Variants in ZNF644 observed in about 807,000 individuals in gnomAD.
ZNF644 encodes the protein zinc finger protein 644.
Under a neutral mutation model 108.0 loss-of-function variants are expected in ZNF644, and 20 were observed. The ratio of observed to expected loss-of-function variants is 0.19; its 90% confidence interval spans 0.13 to 0.27. The LOEUF is 0.27. Among genes scored for constraint, ZNF644 ranks in the 10% least tolerant of loss-of-function variants. ZNF644 has a pLI of 1.00. For missense variants in ZNF644, 1,338 were observed against 1,548.9 expected (o/e 0.86, Z 2.29); for synonymous variants, 542 against 539.1 (o/e 1.01, Z -0.08).
At chr1:90,976,957 T>A (rs1343928654) in intron 2 of ZNF644, among the ~76,000 whole-genome samples, 1 of 151,778 alleles carries the variant, frequency 6.6e-6, no homozygotes, top group Non-Finnish European at 1.5e-5. Flanking sequence ...CTCAGAGAAA[T>A]CCATCACAGA....
At chr1:91,017,019 G>C (rs113935141) in intron 1 of ZNF644, among the ~76,000 whole-genome samples, 1,728 of 152,242 alleles carry the variant, frequency 0.011, 14 homozygotes, top group South Asian at 0.021. Context: ...TTTTGGTAGA[G>C]ACAGGGTTTC....
At chr1:90,966,530 A>C (rs1049944231) in intron 2 of ZNF644, among the ~76,000 whole-genome samples, 28 of 152,126 alleles carry the variant, frequency 1.8e-4, no homozygotes, top group East Asian at 5.8e-4. Context: ...CAGGCAGATC[A>C]CCTGATGTCA....
chr1:90,927,491 G>C (rs1395778522), intron 4 of ZNF644, among the ~76,000 whole-genome samples: 1 of 152,108 alleles, frequency 6.6e-6, no homozygotes, highest in Non-Finnish European at 1.5e-5. Flanking sequence ...GCAAAAATAA[G>C]AACAACATTT....
intron 1 of ZNF644, among the ~76,000 whole-genome samples, chr1:91,012,356 T>C (rs1660036401): frequency 6.7e-6 from 1 of 149,772 alleles, no homozygotes; most frequent in Non-Finnish European, 1.5e-5. Context: ...CATGCACCTG[T>C]AGTTCCAGGT....
At chr1:91,012,188 A>G (rs917403198) in intron 1 of ZNF644, among the ~76,000 whole-genome samples, 1 of 152,152 alleles carries the variant, frequency 6.6e-6, no homozygotes, top group Non-Finnish European at 1.5e-5. Flanking sequence ...GACAGAAGAA[A>G]AGAGAGATGG....
intron 1 of ZNF644, among the ~76,000 whole-genome samples, chr1:91,018,160 T>C (rs1294038585): frequency 6.6e-6 from 1 of 152,236 alleles, no homozygotes; most frequent in Admixed American, 6.5e-5. Flanking sequence ...TCTTCATGTT[T>C]GTTTCTTAAG....
chr1:90,993,538 A>C (rs1219743457), intron 1 of ZNF644, among the ~76,000 whole-genome samples: 2 of 152,232 alleles, frequency 1.3e-5, no homozygotes, highest in African/African-American at 2.4e-5. Context: ...TAATTAGCTA[A>C]CTGACAGAGC....
At chr1:90,963,186 A>G (rs147423186) in intron 2 of ZNF644, among the ~76,000 whole-genome samples, 2 of 152,258 alleles carry the variant, frequency 1.3e-5, no homozygotes, top group African/African-American at 4.8e-5. Flanking sequence ...AAAGCTCAAT[A>G]GTAATTTTGT....
Position 90,938,175 on chromosome 1 carries a change from T to C in ZNF644, c.3083-85A>G, listed in dbSNP as rs1651548645. The C allele has an allele frequency of 1.9e-6, 3 of 1,606,482 alleles. No individual in the cohort carries two copies. The highest frequency in any genetic ancestry group is 2.6e-6 in the Non-Finnish European group (3 of 1,174,882). Reference sequence around the variant, plus strand: ...ATGAGTTAATTCTGAAACATAAAATTATGATTCTAATAAAGACTAAATTCA... The same window carrying C: ...ATGAGTTAATTCTGAAACATAAAATCATGATTCTAATAAAGACTAAATTCA... On this transcript the variant is annotated intron_variant, in intron 3 of 5. Coordinates refer to ENST00000337393, the MANE Select transcript of ZNF644 (RefSeq NM_201269.3). This position sits in a 1 kb window ranked among gnomAD's most constrained non-coding sequence, Gnocchi z 4.2.
rs183224121 is a variant in ZNF644, at chr1:90,988,224, C to T, written c.-17-5854G>A. On this transcript the variant is annotated intron_variant, in intron 1 of 5. Transcript: ENST00000337393. ...AGTTAAAGGATACAAAAAATAAAAG[C>T]ACACAAACATGCAAACATCAATTGT... is the stretch of plus-strand genomic sequence containing the variant. Among the ~76,000 whole-genome samples, 6 of 152,110 alleles carry T rather than the reference C, an allele frequency of 3.9e-5. No individual in the cohort carries two copies. In the East Asian group the frequency reaches 9.7e-4, roughly 24 times the overall value.
At chr1:91,016,572 C>T (rs548748093) in intron 1 of ZNF644, among the ~76,000 whole-genome samples, 25 of 152,270 alleles carry the variant, frequency 1.6e-4, no homozygotes, top group African/African-American at 6.0e-4. Flanking sequence ...GGACCACCAT[C>T]GTAAATGCAG....
chr1:90,966,198 TA>T (rs1654860122), intron 2 of ZNF644, among the ~76,000 whole-genome samples: 1 of 152,206 alleles, frequency 6.6e-6, no homozygotes, highest in Non-Finnish European at 1.5e-5. Flanking sequence ...ATCTCCTTCT[TA>T]GTTCTTCGTA....
chr1:91,002,083 C>T lies in ZNF644; in HGVS notation c.-17-19713G>A, dbSNP rs186262183. Among the ~76,000 whole-genome samples, 687 of 152,252 alleles carry T rather than the reference C, an allele frequency of 4.5e-3. 4 individuals carry two copies. Among genetic ancestry groups the T allele is most frequent in the Non-Finnish European group, 7.3e-3 (494 of 68,010 alleles). On this transcript the variant is annotated intron_variant, in intron 1 of 5. Coordinates refer to ENST00000337393, the MANE Select transcript of ZNF644 (RefSeq NM_201269.3). ...GCTCATGGATAGGAAGAATCAGTAT[C>T]GGGAAAATGGCCATACTGCCCAAGG...
intron 2 of ZNF644, among the ~76,000 whole-genome samples, chr1:90,966,769 A>AT (rs1215643224): frequency 1.3e-5 from 2 of 150,622 alleles, no homozygotes; most frequent in African/African-American, 4.9e-5. Flanking sequence ...AAAAAAAAAA[A>AT]ATCTGGGTAA....
Position 90,916,531 on chromosome 1 carries a change from GCTGCTTACATGTA to G in ZNF644, c.*254_*266del, listed in dbSNP as rs1648780066. ...ATCCATGTGCAACAGTTTATTAATG[GCTGCTTACATGTA>G]CTGCTCTTTTACTGAGTGAACACAG... On this transcript the variant is annotated 3_prime_UTR_variant, in exon 6 of 6. Coordinates refer to ENST00000337393, the MANE Select transcript of ZNF644 (RefSeq NM_201269.3). 2.2e-6 allele frequency: 1 copy of G among 453,298 alleles called. No homozygotes were observed. Among genetic ancestry groups the G allele is most frequent in the African/African-American group, 2.0e-5 (1 of 50,666 alleles). The allele number at this position is 453,298 out of a possible 1,614,324, so 28.1% of individuals were successfully genotyped here.
At chr1:91,021,385 C>T (rs1409295924) in intron 1 of ZNF644, 1 of 152,284 alleles carries the variant, frequency 6.6e-6, no homozygotes, top group East Asian at 1.9e-4. Flanking sequence ...CAGTTAATGC[C>T]AGAGCCAGCG....
At chr1:91,001,556 A>G (rs1184379411) in intron 1 of ZNF644, among the ~76,000 whole-genome samples, 1 of 152,228 alleles carries the variant, frequency 6.6e-6, no homozygotes, top group African/African-American at 2.4e-5. Flanking sequence ...AGAGCTATTT[A>G]TGACAAACCC....
In ZNF644 at chr1:90,938,120, G is replaced by C; in HGVS notation, c.3083-30C>G. 6.2e-7 allele frequency: 1 copy of C among 1,609,486 alleles called. No homozygotes were observed. Among genetic ancestry groups the C allele is most frequent in the Non-Finnish European group, 8.5e-7 (1 of 1,178,518 alleles). On this transcript the variant is annotated intron_variant, in intron 3 of 5. Coordinates refer to ENST00000337393, the MANE Select transcript of ZNF644 (RefSeq NM_201269.3). This position sits in a 1 kb window ranked among gnomAD's most constrained non-coding sequence, Gnocchi z 4.2. Reference sequence around the variant, plus strand: ...AAAAAAATTTTTAAGAGTAATATCAGACTTTCTTATATAAACTGACCACCC... The same window carrying C: ...AAAAAAATTTTTAAGAGTAATATCACACTTTCTTATATAAACTGACCACCC...
intron 2 of ZNF644, among the ~76,000 whole-genome samples, chr1:90,979,647 T>C (rs1312372221): frequency 3.9e-5 from 6 of 152,310 alleles, no homozygotes; most frequent in African/African-American, 1.4e-4. Flanking sequence ...CTAACAGTTT[T>C]TTACCTTCAG....
Sources: allele counts gnomAD v4.1 joint callset (sites outside exome capture counted in the v4.1 genomes callset), GRCh38; gene constraint gnomAD v4.1.1; non-coding constraint Gnocchi (gnomAD v3.1); transcripts MANE v1.5; gene names NCBI Gene and HGNC (gene_info 2026-07-23, HGNC 2026-07-21).